TENM2: variants seen among roughly 807,000 people sequenced by gnomAD.
TENM2 encodes teneurin-2.
In TENM2, 52 loss-of-function variants were observed where a neutral mutation model predicts 245.2. The ratio of observed to expected loss-of-function variants is 0.21; its 90% CI spans 0.17 to 0.27. The LOEUF is 0.27. Among genes scored for constraint, TENM2 ranks in the 10% least tolerant of loss-of-function variants. The probability of loss-of-function intolerance (pLI) is 1.00; values close to 1 mark genes in which losing one functional copy is unlikely to be tolerated. For synonymous variants in TENM2, 1,363 were observed against 1,438.9 expected (o/e 0.95, Z 1.19); for missense variants, 3,046 against 3,666.8 (o/e 0.83, Z 4.37).
At chr5:167,053,201 C>G in the TENM2 span, among the ~76,000 whole-genome samples, 2 of 152,106 alleles carry the variant, frequency 1.3e-5, no homozygotes, top group Admixed American at 1.3e-4. Context: ...GTATTGGTTT[C>G]TTCTACTATA....
At chr5:167,944,776 T>G (rs1326610451) in intron 3 of TENM2, among the ~76,000 whole-genome samples, 2 of 152,180 alleles carry the variant, frequency 1.3e-5, no homozygotes, top group East Asian at 3.8e-4. Context: ...CATATCTTGG[T>G]GAATATACTA....
the TENM2 span, among the ~76,000 whole-genome samples, chr5:167,192,291 G>C: frequency 1.3e-5 from 2 of 151,938 alleles, no homozygotes; most frequent in Non-Finnish European, 2.9e-5. Context: ...GTGTATTCTT[G>C]TGTCTCGATT....
At position 167,478,156 on chromosome 5, in the gene TENM2, C is replaced by T. The variant is rs1767517476; in HGVS notation, c.502+102683C>T. Among the ~76,000 whole-genome samples the T allele has an allele frequency of 2.0e-5, 3 of 152,166 alleles. No individual in the cohort carries two copies. In the South Asian group the frequency reaches 6.2e-4, roughly 32 times the overall value. On this transcript the variant is annotated intron_variant, in intron 2 of 28. Coordinates refer to ENST00000518659, the Ensembl canonical transcript of TENM2. ...TATATCGTTGAAGGACTGAAACAAA[C>T]AAGGCTCAATGGCCATTTCTTTAAA...
intron 1 of TENM2, among the ~76,000 whole-genome samples, chr5:167,364,349 T>G (rs184497212): frequency 1.5e-4 from 23 of 152,122 alleles, no homozygotes; most frequent in African/African-American, 5.1e-4. Flanking sequence ...AATGAAAATT[T>G]TAAATAATTT....
chr5:168,207,458 G>T (rs1025327660), intron 19 of TENM2, among the ~76,000 whole-genome samples: 7 of 152,320 alleles, frequency 4.6e-5, no homozygotes, highest in Admixed American at 6.5e-5. Context: ...TCCCTCGACA[G>T]CCGTGTGATT....
At chr5:167,696,069 C>T (rs992946197) in intron 2 of TENM2, among the ~76,000 whole-genome samples, 1 of 150,872 alleles carries the variant, frequency 6.6e-6, no homozygotes, top group Non-Finnish European at 1.5e-5. Flanking sequence ...ACAACAACAA[C>T]AATTGATTTA....
chr5:168,056,752 C>A (rs1789576114), intron 6 of TENM2, among the ~76,000 whole-genome samples: 1 of 152,134 alleles, frequency 6.6e-6, no homozygotes, highest in South Asian at 2.1e-4. Context: ...TGGTACGTGT[C>A]CTATACAGGT....
At chr5:167,923,142 G>A (rs1270377523) in intron 3 of TENM2, among the ~76,000 whole-genome samples, 1 of 152,098 alleles carries the variant, frequency 6.6e-6, no homozygotes, top group African/African-American at 2.4e-5. Flanking sequence ...TGGCCAACAT[G>A]GCAAAACCCC....
At position 167,988,073 on chromosome 5, in the gene TENM2, G is replaced by A. The variant is rs546760326; in HGVS notation, c.948-4871G>A. ...GCGAGGGTTTATGCAGTGCTGAAAA[G>A]CATGCAGGTTGTTTTTTCTGTGGAG... On this transcript the variant is annotated intron_variant, in intron 4 of 28. Transcript: ENST00000518659. Among the ~76,000 whole-genome samples, 5 of 152,300 alleles carry A rather than the reference G, an allele frequency of 3.3e-5. No individual in the cohort carries two copies. In the South Asian group the frequency reaches 8.3e-4, roughly 25 times the overall value.
At chr5:167,925,133 C>T (rs1444241095) in intron 3 of TENM2, among the ~76,000 whole-genome samples, 1 of 152,148 alleles carries the variant, frequency 6.6e-6, no homozygotes, top group Non-Finnish European at 1.5e-5. Context: ...AAACGTCTAT[C>T]CACATGTGAA....
exon 28 of TENM2, chr5:168,260,369 C>T (rs1338936177): frequency 6.2e-7 from 1 of 1,613,830 alleles, no homozygotes; most frequent in African/African-American, 1.3e-5. Flanking sequence ...TTTCGTGCCT[C>T]CTCCCTATGA....
At chr5:167,332,794 C>T (rs545708181) in intron 1 of TENM2, among the ~76,000 whole-genome samples, 5 of 152,136 alleles carry the variant, frequency 3.3e-5, no homozygotes, top group African/African-American at 4.8e-5. Context: ...TCGTTGATTC[C>T]GTTAGTTATC....
intron 2 of TENM2, among the ~76,000 whole-genome samples, chr5:167,756,665 G>C (rs1429909878): frequency 6.6e-6 from 1 of 152,180 alleles, no homozygotes; most frequent in African/African-American, 2.4e-5. Context: ...CCCTCATGGA[G>C]ACTCTGTGTC....
chr5:167,100,709 G>A, the TENM2 span, among the ~76,000 whole-genome samples: 1 of 151,986 alleles, frequency 6.6e-6, no homozygotes, highest in Admixed American at 6.6e-5. Flanking sequence ...TTTTTGGGGT[G>A]GGGGAGGGGT....
chr5:167,232,976 T>C, the TENM2 span, among the ~76,000 whole-genome samples: 1 of 152,180 alleles, frequency 6.6e-6, no homozygotes, highest in African/African-American at 2.4e-5. Context: ...TACTCTAAGA[T>C]ATTGCCTTTA....
At chr5:167,437,457 C>T (rs1764629345) in intron 2 of TENM2, among the ~76,000 whole-genome samples, 2 of 152,054 alleles carry the variant, frequency 1.3e-5, no homozygotes, top group African/African-American at 4.8e-5. Context: ...AAGGGACTTG[C>T]CTCATCTCAG....
intron 5 of TENM2, among the ~76,000 whole-genome samples, chr5:168,045,561 T>C (rs1788539438): frequency 6.6e-6 from 1 of 152,192 alleles, no homozygotes; most frequent in Non-Finnish European, 1.5e-5. Flanking sequence ...CCACCACTCC[T>C]TCCATAGACG....
chr5:168,083,131 C>T (rs2152208800), intron 7 of TENM2, among the ~76,000 whole-genome samples: 1 of 152,322 alleles, frequency 6.6e-6, no homozygotes, highest in Admixed American at 6.5e-5. Flanking sequence ...CTTTGTTTAC[C>T]TGCTCAAGCC....
intron 10 of TENM2, among the ~76,000 whole-genome samples, chr5:168,119,794 T>G (rs1432718063): frequency 1.3e-5 from 2 of 152,072 alleles, no homozygotes; most frequent in South Asian, 2.1e-4. Context: ...CCCAACAAAC[T>G]AAGGGGAAAA....
Sources: gnomAD v4.1 joint callset for allele counts (sites outside exome capture counted in the v4.1 genomes callset) on GRCh38, gnomAD v4.1.1 for gene constraint, MANE v1.5 for transcripts, NCBI Gene and HGNC (gene_info 2026-07-23, HGNC 2026-07-21) for gene names.